The following GREB1L variants were observed in gnomAD, a reference collection of about 807,000 sequenced individuals.
GREB1L encodes GREB1-like protein.
In GREB1L, 17 loss-of-function variants were observed where a neutral mutation model predicts 200.8. That is an observed-to-expected ratio of 0.08 (90% CI 0.06 to 0.13). The LOEUF is 0.13. Ranked by LOEUF, GREB1L falls within the 10% of genes least tolerant of loss-of-function variation. GREB1L has a pLI of 1.00. For synonymous variants in GREB1L, 789 were observed against 893.0 expected (o/e 0.88, Z 2.08); for missense variants, 1,657 against 2,367.7 (o/e 0.70, Z 6.23).
chr18:21,460,310 GATT>G (rs1278173769), intron 15 of GREB1L, among the ~76,000 whole-genome samples: 1 of 152,090 alleles, frequency 6.6e-6, no homozygotes, highest in Non-Finnish European at 1.5e-5. Flanking sequence ...GAGTAGCTGG[GATT>G]ACAGGCATGT....
chr18:21,292,846 A>C (rs1222155444), intron 1 of GREB1L, among the ~76,000 whole-genome samples: 1 of 152,208 alleles, frequency 6.6e-6, no homozygotes, highest in African/African-American at 2.4e-5. Flanking sequence ...AGACTTCAGG[A>C]ATGCTACTGT....
chr18:21,505,652 T>A, intron 24 of GREB1L, 85 bp downstream of exon 24: 1 of 1,456,922 alleles, frequency 6.9e-7, no homozygotes. Flanking sequence ...TTTCTTTCGC[T>A]CTTATGCGCA....
chr18:21,364,522 A>G (rs982532153), intron 1 of GREB1L, among the ~76,000 whole-genome samples: 1 of 152,178 alleles, frequency 6.6e-6, no homozygotes, highest in African/African-American at 2.4e-5. Flanking sequence ...GCATTTGTCT[A>G]TTAAAAAGAC....
intron 27 of GREB1L, among the ~76,000 whole-genome samples, chr18:21,509,013 G>C (rs1423773261): frequency 6.6e-6 from 1 of 152,140 alleles, no homozygotes; most frequent in African/African-American, 2.4e-5. Context: ...TTTAAGGCAC[G>C]TAGCAAGTTA....
At chr18:21,474,814 G>A (rs769437164) in intron 16 of GREB1L, among the ~76,000 whole-genome samples, 1 of 152,188 alleles carries the variant, frequency 6.6e-6, no homozygotes, top group Non-Finnish European at 1.5e-5. Flanking sequence ...TTCCCCCATT[G>A]TCTTGGGGAT....
chr18:21,379,271 A>G (rs2040205343), intron 2 of GREB1L, among the ~76,000 whole-genome samples: 1 of 152,134 alleles, frequency 6.6e-6, no homozygotes, highest in Non-Finnish European at 1.5e-5. Flanking sequence ...CAATGGCATG[A>G]TCTTGGCTCA....
intron 1 of GREB1L, among the ~76,000 whole-genome samples, chr18:21,312,187 G>C (rs2038802234): frequency 6.6e-6 from 1 of 152,146 alleles, no homozygotes; most frequent in Admixed American, 6.5e-5. Flanking sequence ...GGTATTCCAT[G>C]GTGTATGTTT....
At chr18:21,449,928 A>G in intron 12 of GREB1L, 92 bp downstream of exon 12, 1 of 956,808 alleles carries the variant, frequency 1.0e-6, no homozygotes, top group Non-Finnish European at 1.5e-6. Flanking sequence ...AGGCATCCAC[A>G]TAATCAACCT....
At chr18:21,438,996 A>G (rs1290671178) in intron 7 of GREB1L, among the ~76,000 whole-genome samples, 2 of 151,254 alleles carry the variant, frequency 1.3e-5, no homozygotes, top group East Asian at 3.9e-4. Context: ...AAAAGAAAAG[A>G]AAGAAAGAAG....
intron 1 of GREB1L, among the ~76,000 whole-genome samples, chr18:21,319,540 A>C (rs1042147546): frequency 1.3e-5 from 2 of 152,240 alleles, no homozygotes; most frequent in African/African-American, 4.8e-5. Context: ...AGAATTTCCA[A>C]TTTTAGTTAC....
intron 5 of GREB1L, among the ~76,000 whole-genome samples, chr18:21,397,723 C>G (rs1293525935): frequency 1.3e-5 from 2 of 152,004 alleles, no homozygotes; most frequent in Non-Finnish European, 2.9e-5. Context: ...AACGTTTTCA[C>G]TTTGTTTAGT....
chr18:21,464,486 G>C (rs1289041749), intron 15 of GREB1L, among the ~76,000 whole-genome samples: 1 of 148,498 alleles, frequency 6.7e-6, no homozygotes, highest in Non-Finnish European at 1.5e-5. Context: ...AGAGGTTGCA[G>C]TGAGCCGAGA....
chr18:21,431,618 G>A (rs1202057101), intron 7 of GREB1L, among the ~76,000 whole-genome samples: 2 of 152,094 alleles, frequency 1.3e-5, no homozygotes, highest in Admixed American at 6.5e-5. Context: ...TTCTACTGAC[G>A]TCTTAGGCTT....
chr18:21,329,082 G>C (rs1028776157), intron 1 of GREB1L, among the ~76,000 whole-genome samples: 4 of 152,092 alleles, frequency 2.6e-5, no homozygotes, highest in African/African-American at 7.2e-5. Context: ...CCAGCCCTTT[G>C]AGCGACCAAG....
intron 2 of GREB1L, among the ~76,000 whole-genome samples, chr18:21,368,992 A>G (rs1449351045): frequency 6.6e-6 from 1 of 152,250 alleles, no homozygotes; most frequent in Non-Finnish European, 1.5e-5. Flanking sequence ...GGCTAGGTAA[A>G]TAAGAGAAAT....
chr18:21,302,094 CTGTTT>C (rs1198074993), intron 1 of GREB1L, among the ~76,000 whole-genome samples: 1 of 152,182 alleles, frequency 6.6e-6, no homozygotes, highest in Non-Finnish European at 1.5e-5. Context: ...TCTTCCTTCT[CTGTTT>C]TGTTTCTTCT....
At chr18:21,279,338 A>G (rs1034157200) in intron 1 of GREB1L, among the ~76,000 whole-genome samples, 18 of 152,154 alleles carry the variant, frequency 1.2e-4, no homozygotes, top group African/African-American at 4.3e-4. Flanking sequence ...ATAATTTCTT[A>G]TGGAAGCCTA....
rs1301537928 is a variant in GREB1L, at chr18:21,500,276, C to T, written c.3939C>T (p.Pro1313=). 41 of 1,404,496 alleles carry T rather than the reference C, an allele frequency of 2.9e-5. No homozygotes were observed. Among genetic ancestry groups the T allele is most frequent in the Non-Finnish European group, 3.5e-5 (36 of 1,025,562 alleles). 87.0% of individuals were successfully genotyped at this position (1,404,496 alleles called of 1,614,324 possible). A position where few individuals can be genotyped will look rare whatever the true frequency, so the allele number is the denominator to read the frequency against. ...DPASGTRNFH[P]RRLLLTGPPQ... ...CCTCTGGCACCCGAAACTTCCACCC[C>T]CGACGGCTCCTGCTGACAGGGCCCC... Residue 1313 remains proline, a synonymous_variant, in exon 22 of 33, where the codon CCC becomes CCT. Transcript: ENST00000424526.
intron 21 of GREB1L, among the ~76,000 whole-genome samples, chr18:21,499,050 G>A (rs1018401570): frequency 2.0e-5 from 3 of 152,182 alleles, no homozygotes; most frequent in African/African-American, 4.8e-5. Context: ...AAAAGCCACC[G>A]GCCTTGGAGT....
Sources: gnomAD v4.1 joint callset for allele counts (sites outside exome capture counted in the v4.1 genomes callset) on GRCh38, gnomAD v4.1.1 for gene constraint, MANE v1.5 for transcripts, NCBI Gene and HGNC (gene_info 2026-07-23, HGNC 2026-07-21) for gene names.